The following TAFA2 variants were observed in gnomAD, a reference collection of about 807,000 sequenced individuals.
TAFA2 encodes the protein chemokine-like protein TAFA-2.
A neutral mutation model predicts 18.8 loss-of-function variants in TAFA2; 7 were observed. The observed-to-expected ratio is 0.37, with a 90% CI of 0.21 to 0.70. TAFA2 has a LOEUF of 0.70. Ranked by LOEUF, TAFA2 falls within the 30% of genes least tolerant of loss-of-function variation. TAFA2 has a pLI of 0.53. For synonymous variants in TAFA2, 60 were observed against 54.2 expected (o/e 1.11, Z -0.47); for missense variants, 122 against 158.1 (o/e 0.77, Z 1.23).
intron 1 of TAFA2, among the ~76,000 whole-genome samples, chr12:61,959,863 A>AT (rs934670859): frequency 8.6e-5 from 13 of 151,254 alleles, no homozygotes; most frequent in East Asian, 3.9e-4. Context: ...CTGCATCACT[A>AT]TTTTTTTTTA....
At chr12:61,826,238 T>C (rs1872531723) in intron 2 of TAFA2, among the ~76,000 whole-genome samples, 2 of 152,076 alleles carry the variant, frequency 1.3e-5, no homozygotes, top group Non-Finnish European at 1.5e-5. Context: ...AGAGTACGTG[T>C]AGCACACAAC....
At chr12:61,836,941 T>A (rs1218118480) in intron 2 of TAFA2, among the ~76,000 whole-genome samples, 3 of 151,412 alleles carry the variant, frequency 2.0e-5, no homozygotes, top group Admixed American at 2.0e-4. Context: ...TATTTTATTA[T>A]CTGTCATAAA....
At chr12:61,911,889 T>G (rs1321644353) in intron 1 of TAFA2, among the ~76,000 whole-genome samples, 1 of 152,060 alleles carries the variant, frequency 6.6e-6, no homozygotes. Context: ...CAAGAAAAGA[T>G]GTAGAGAACA....
intron 1 of TAFA2, among the ~76,000 whole-genome samples, chr12:62,227,967 GTA>G (rs2136982264): frequency 6.6e-6 from 1 of 152,130 alleles, no homozygotes; most frequent in South Asian, 2.1e-4. Context: ...ATGGGTCTAT[GTA>G]TATGTTTTTA....
At chr12:62,103,118 T>C (rs1592336491) in intron 1 of TAFA2, among the ~76,000 whole-genome samples, 1 of 152,332 alleles carries the variant, frequency 6.6e-6, no homozygotes, top group East Asian at 1.9e-4. Context: ...AAGAAAAGCA[T>C]CTTTTAACAC....
At chr12:62,004,883 G>T (rs1244711713) in intron 1 of TAFA2, among the ~76,000 whole-genome samples, 1 of 151,974 alleles carries the variant, frequency 6.6e-6, no homozygotes, top group African/African-American at 2.4e-5. Context: ...GCAACAACAT[G>T]GATGAACCTA....
intron 1 of TAFA2, among the ~76,000 whole-genome samples, chr12:61,916,798 C>T (rs1005682546): frequency 2.0e-5 from 3 of 152,140 alleles, no homozygotes; most frequent in Non-Finnish European, 4.4e-5. Context: ...GATAGAATCA[C>T]AGTGAAAATA....
intron 1 of TAFA2, among the ~76,000 whole-genome samples, chr12:62,249,330 A>T (rs558538716): frequency 4.0e-5 from 6 of 151,414 alleles, no homozygotes; most frequent in Admixed American, 3.3e-4. Context: ...CAGAGCATAT[A>T]TTGAGGGCAA....
chr12:61,764,026 A>G (rs1869677230), intron 2 of TAFA2, among the ~76,000 whole-genome samples: 1 of 152,054 alleles, frequency 6.6e-6, no homozygotes, highest in African/African-American at 2.4e-5. Context: ...AAAGCTCATT[A>G]TCAGCCAGAA....
chr12:61,950,705 A>G (rs1307491451), intron 1 of TAFA2, among the ~76,000 whole-genome samples: 2 of 152,128 alleles, frequency 1.3e-5, no homozygotes, highest in Non-Finnish European at 2.9e-5. Flanking sequence ...TTTTAAAATA[A>G]TAACTTTATT....
At chr12:62,249,272 TAAAAAAAAA>T (rs35144994) in intron 1 of TAFA2, among the ~76,000 whole-genome samples, 4 of 137,720 alleles carry the variant, frequency 2.9e-5, no homozygotes, top group Non-Finnish European at 4.7e-5. Flanking sequence ...TTTTTTTTCC[TAAAAAAAAA>T]AAAAAAAAGG....
chr12:62,027,228 C>T (rs531067187), intron 1 of TAFA2, among the ~76,000 whole-genome samples: 3 of 152,204 alleles, frequency 2.0e-5, no homozygotes, highest in South Asian at 4.1e-4. Flanking sequence ...TTTTGAAATG[C>T]ACTTGTGTGA....
chr12:61,792,358 G>A (rs145304855), intron 2 of TAFA2, among the ~76,000 whole-genome samples: 7 of 151,590 alleles, frequency 4.6e-5, no homozygotes, highest in Non-Finnish European at 8.9e-5. Context: ...TTAACAGTAA[G>A]GTACTGTATA....
intron 1 of TAFA2, among the ~76,000 whole-genome samples, chr12:62,207,893 C>T (rs1269858303): frequency 6.6e-6 from 1 of 152,140 alleles, no homozygotes; most frequent in African/African-American, 2.4e-5. Flanking sequence ...ACTGGGCCCT[C>T]CCTGTGGTAA....
At chr12:61,997,299 G>A (rs1421272479) in intron 1 of TAFA2, among the ~76,000 whole-genome samples, 4 of 151,948 alleles carry the variant, frequency 2.6e-5, no homozygotes, top group African/African-American at 9.7e-5. Context: ...ATAGAAAAGC[G>A]ATATTTGAGC....
chr12:61,875,509 T>C (rs1250771099), intron 1 of TAFA2, among the ~76,000 whole-genome samples: 1 of 152,086 alleles, frequency 6.6e-6, no homozygotes, highest in African/African-American at 2.4e-5. Flanking sequence ...AAGATATATA[T>C]TATATCAAAA....
intron 1 of TAFA2, among the ~76,000 whole-genome samples, chr12:62,199,143 C>T (rs2062660998): frequency 6.6e-6 from 1 of 152,184 alleles, no homozygotes; most frequent in Non-Finnish European, 1.5e-5. Flanking sequence ...TGACAATTGG[C>T]TGATTGTAAG....
chr12:61,844,104 T>G (rs986140508), intron 2 of TAFA2, among the ~76,000 whole-genome samples: 4 of 152,182 alleles, frequency 2.6e-5, no homozygotes, highest in Non-Finnish European at 5.9e-5. Context: ...TGTAAACTTG[T>G]ACTTTTTCAT....
At chr12:61,754,729 C>T in intron 3 of TAFA2, 143 bp downstream of exon 3, 1 of 758,410 alleles carries the variant, frequency 1.3e-6, no homozygotes. Flanking sequence ...AAAATGCCAC[C>T]CAAATATTCT....
Sources: gnomAD v4.1 joint callset for allele counts (sites outside exome capture counted in the v4.1 genomes callset) on GRCh38, gnomAD v4.1.1 for gene constraint, MANE v1.5 for transcripts, NCBI Gene and HGNC (gene_info 2026-07-23, HGNC 2026-07-21) for gene names.